The following SLC4A5 variants were observed in gnomAD, a reference collection of about 807,000 sequenced individuals.
SLC4A5 encodes the protein solute carrier family 4 member 5.
Under a neutral mutation model 120.4 loss-of-function variants are expected in SLC4A5, and 96 were observed. The ratio of observed to expected loss-of-function variants is 0.80; its 90% CI spans 0.68 to 0.94. SLC4A5 has a LOEUF of 0.94. Ranked by LOEUF, SLC4A5 falls within the 40% of genes least tolerant of loss-of-function variation. SLC4A5 has a pLI of 0.00. For synonymous variants in SLC4A5, 550 were observed against 571.1 expected (o/e 0.96, Z 0.53); for missense variants, 1,259 against 1,459.5 (o/e 0.86, Z 2.24).
chr2:74,332,331 CAT>C (rs61419227), intron 4 of SLC4A5, among the ~76,000 whole-genome samples: 18,603 of 152,096 alleles, frequency 0.12, 1,508 homozygotes, highest in East Asian at 0.46. Context: ...GCAAAATAAA[CAT>C]ACATTGACAG....
intron 8 of SLC4A5, among the ~76,000 whole-genome samples, chr2:74,277,405 C>T (rs2104119399): frequency 6.6e-6 from 1 of 152,098 alleles, no homozygotes; most frequent in East Asian, 1.9e-4. Context: ...AAAAACTAGT[C>T]AGGCATGGTG....
At chr2:74,278,399 C>T (rs1316756917) in intron 8 of SLC4A5, among the ~76,000 whole-genome samples, 2 of 152,182 alleles carry the variant, frequency 1.3e-5, no homozygotes, top group Non-Finnish European at 2.9e-5. Flanking sequence ...CCTGGCTGTC[C>T]CCATGGGTGT....
At chr2:74,315,223 T>G (rs1672928285) in intron 5 of SLC4A5, among the ~76,000 whole-genome samples, 198 bp from the exon 6 acceptor site, 1 of 151,726 alleles carries the variant, frequency 6.6e-6, no homozygotes, top group Non-Finnish European at 1.5e-5. Flanking sequence ...GTGGATCACC[T>G]GAGGTCAGGA....
chr2:74,258,496 T>TATGC (rs1322886962), intron 12 of SLC4A5, among the ~76,000 whole-genome samples: 1 of 152,252 alleles, frequency 6.6e-6, no homozygotes, highest in East Asian at 1.9e-4. Context: ...GCACTGTCTG[T>TATGC]ATGCATGAGT....
In SLC4A5 at chr2:74,285,755, C is replaced by T. The variant is rs148777441; in HGVS notation, c.401+18G>A. ...GTGAGACTGAAGTGCCCACCTCCCT[C>T]GTGGGGCCCCGCCTCACCTGGCTGA... On this transcript the variant is annotated intron_variant, in intron 8 of 30. Coordinates refer to ENST00000394019, the Ensembl canonical transcript of SLC4A5. The T allele has an allele frequency of 3.9e-5, 63 of 1,606,886 alleles. No individual in the cohort carries two copies. The East Asian group carries it at 4.1e-4, about 10-fold the overall frequency.
chr2:74,262,237 G>C lies in SLC4A5; in HGVS notation c.716-5C>G. ...GGCTCCGGGCAGGACTGCGATCTGG[G>C]AGGAGAATCAGAAGGGACTTGGCTT... On this transcript the variant is annotated splice_polypyrimidine_tract_variant and splice_region_variant and intron_variant, in intron 10 of 30. Coordinates refer to ENST00000394019, the Ensembl canonical transcript of SLC4A5. 1 of 1,613,508 alleles carries C rather than the reference G, an allele frequency of 6.2e-7. No homozygotes were observed. Among genetic ancestry groups the C allele is most frequent in the South Asian group, 1.1e-5 (1 of 91,014 alleles).
At chr2:74,232,825 G>T (rs1670140544) in intron 23 of SLC4A5, among the ~76,000 whole-genome samples, 178 bp from the exon 24 acceptor site, 1 of 152,204 alleles carries the variant, frequency 6.6e-6, no homozygotes, top group South Asian at 2.1e-4. Context: ...CATCTGAAAG[G>T]GTGAACTGCC....
chr2:74,267,302 G>C, intron 8 of SLC4A5, among the ~76,000 whole-genome samples: 2 of 152,214 alleles, frequency 1.3e-5, no homozygotes, highest in Middle Eastern at 6.8e-3. Flanking sequence ...TCTAGGAAAC[G>C]ATCACAGGAA....
chr2:74,232,361 A>G, intron 24 of SLC4A5, 108 bp downstream of exon 24: 1 of 1,316,646 alleles, frequency 7.6e-7, no homozygotes, highest in East Asian at 2.3e-5. Flanking sequence ...GGGCCGTCAG[A>G]GCGGGGGCCC....
At chr2:74,217,065 G>T (rs565994280) in exon 31 of SLC4A5, 1 of 152,156 alleles carries the variant, frequency 6.6e-6, no homozygotes, top group Non-Finnish European at 1.5e-5. Flanking sequence ...GCTTTCTATG[G>T]ACCAGGCACT....
intron 17 of SLC4A5, among the ~76,000 whole-genome samples, chr2:74,249,312 A>T (rs1395312654): frequency 1.3e-5 from 2 of 152,188 alleles, no homozygotes; most frequent in Non-Finnish European, 2.9e-5. Context: ...GGAAGCTGAG[A>T]TCCAAAAAAT....
chr2:74,262,964 A>G (rs1671188797), intron 10 of SLC4A5, among the ~76,000 whole-genome samples: 1 of 152,238 alleles, frequency 6.6e-6, no homozygotes, highest in Non-Finnish European at 1.5e-5. Context: ...AAGAGCACTC[A>G]GAATAGTGCC....
chr2:74,265,648 C>G (rs1671279680), intron 8 of SLC4A5, among the ~76,000 whole-genome samples: 1 of 152,064 alleles, frequency 6.6e-6, no homozygotes, highest in Non-Finnish European at 1.5e-5. Flanking sequence ...TTTAAAAAGC[C>G]TCAACTGGAA....
chr2:74,295,358 G>A (rs1409071949), intron 7 of SLC4A5, among the ~76,000 whole-genome samples: 1 of 152,170 alleles, frequency 6.6e-6, no homozygotes, highest in Non-Finnish European at 1.5e-5. Flanking sequence ...TCTCGGCCAG[G>A]TGCAGTGGCT....
At chr2:74,273,522 C>T (rs2104096100) in intron 8 of SLC4A5, among the ~76,000 whole-genome samples, 1 of 152,290 alleles carries the variant, frequency 6.6e-6, no homozygotes, top group East Asian at 1.9e-4. Flanking sequence ...CTCTCCCACC[C>T]CGCCCCATTA....
chr2:74,304,585 A>T, exon 7 of SLC4A5: 1 of 1,614,172 alleles, frequency 6.2e-7, no homozygotes, highest in South Asian at 1.1e-5. Context: ...CGCAGGCCCC[A>T]GTGGACTTTT....
At chr2:74,248,385 G>A (rs1310835736) in exon 18 of SLC4A5, 5 of 1,614,096 alleles carry the variant, frequency 3.1e-6, no homozygotes, top group African/African-American at 1.3e-5. Flanking sequence ...TCTCAAAGAT[G>A]AGGATGGGCC....
intron 8 of SLC4A5, among the ~76,000 whole-genome samples, chr2:74,281,689 T>C (rs1671818976): frequency 6.6e-6 from 1 of 152,002 alleles, no homozygotes; most frequent in Admixed American, 6.6e-5. Context: ...CCTCCAGGAG[T>C]GACTCCTCCA....
At chr2:74,235,183 A>G (rs1355828838) in exon 22 of SLC4A5, 1 of 1,614,112 alleles carries the variant, frequency 6.2e-7, no homozygotes, top group Non-Finnish European at 8.5e-7. Flanking sequence ...GATGGAGAAA[A>G]CAATGGAAAA....
Sources: gnomAD v4.1 joint callset for allele counts (sites outside exome capture counted in the v4.1 genomes callset) on GRCh38, gnomAD v4.1.1 for gene constraint, MANE v1.5 for transcripts, NCBI Gene and HGNC (gene_info 2026-07-23, HGNC 2026-07-21) for gene names.